ABL1: variants seen among roughly 807,000 people sequenced by gnomAD.
The protein encoded by ABL1 is tyrosine-protein kinase ABL1.
ABL1 carries 11 observed loss-of-function variants against 94.7 expected under a neutral mutation model. That is an observed-to-expected ratio of 0.12 (90% CI 0.07 to 0.19). The LOEUF is 0.19. Ranked by LOEUF, ABL1 falls within the 10% of genes least tolerant of loss-of-function variation. ABL1 has a pLI of 1.00. For missense variants in ABL1, 1,082 were observed against 1,489.4 expected (o/e 0.73, Z 4.50); for synonymous variants, 656 against 622.4 (o/e 1.05, Z -0.80).
At chr9:130,866,705 A>G (rs1447803388) in intron 4 of ABL1, among the ~76,000 whole-genome samples, 2 of 152,252 alleles carry the variant, frequency 1.3e-5, no homozygotes, top group Non-Finnish European at 2.9e-5. Flanking sequence ...GCAGATGGGA[A>G]GCTGGAATTA....
intron 1 of ABL1, among the ~76,000 whole-genome samples, chr9:130,760,962 T>C (rs1273862245): frequency 3.5e-5 from 5 of 142,340 alleles, no homozygotes; most frequent in Admixed American, 7.0e-5. Flanking sequence ...TTTTTTTTTT[T>C]TTTGAGACGG....
Position 130,863,145 on chromosome 9 carries a change from C to T in ABL1, c.822+110C>T, listed in dbSNP as rs34904749. 2,529 of 1,273,422 alleles carry T rather than the reference C, an allele frequency of 2.0e-3. 36 individuals are homozygous for T. In the African/African-American group the frequency reaches 0.034, roughly 17 times the overall value. 78.9% of individuals were successfully genotyped at this position (1,273,422 alleles called of 1,614,324 possible). A position where few individuals can be genotyped will look rare whatever the true frequency, so the allele number is the denominator to read the frequency against. On this transcript the variant is annotated intron_variant, in intron 4 of 10. Coordinates refer to ENST00000318560, the MANE Select transcript of ABL1 (RefSeq NM_005157.6). The surrounding 1 kb of genome is among the most constrained non-coding windows in gnomAD (Gnocchi z 4.3). Reference sequence around the variant, plus strand: ...CCTCCTGCCTGCTGTCCGAGGGCTTCATTGGCGCCACGGAATTGACTTTTC... The same window carrying T: ...CCTCCTGCCTGCTGTCCGAGGGCTTTATTGGCGCCACGGAATTGACTTTTC...
rs2133040153 is a variant in ABL1 at position 130,885,407 on chromosome 9, G to A, written c.3117G>A (p.Leu1039=). ...KGVVLDSTEA[L]CLAISRNSEQ... is the part of the protein sequence containing the mutation. ...TGGTCCTGGACAGCACCGAGGCGCT[G>A]TGCCTCGCCATCTCTAGGAACTCCG... The change falls in exon 11 of 11, where the codon CTG becomes CTA. Residue 1039 remains leucine, a synonymous_variant. Coordinates refer to ENST00000318560, the MANE Select transcript of ABL1 (RefSeq NM_005157.6). 1.9e-6 allele frequency: 3 copies of A among 1,613,674 alleles called. No homozygotes were observed. The highest frequency in any genetic ancestry group is 2.5e-6 in the Non-Finnish European group (3 of 1,180,050).
In ABL1 at chr9:130,884,042, G is replaced by A. The variant is rs1831515735; in HGVS notation, c.1752G>A (p.Leu584=). The part of the protein sequence containing the change: ...RKERGPPEGG[L]NEDERLLPKD... The stretch of plus-strand genomic sequence containing the variant: ...AGCGAGGTCCCCCGGAGGGCGGCCT[G>A]AATGAAGATGAGCGCCTTCTCCCCA... The change falls in exon 11 of 11, where the codon CTG becomes CTA. Residue 584 remains leucine (L), a synonymous_variant. Transcript: ENST00000318560. The surrounding 1 kb of genome is among the most constrained non-coding windows in gnomAD (Gnocchi z 5.6). 1 of 1,613,944 alleles carries A rather than the reference G, an allele frequency of 6.2e-7. No individual in the cohort carries two copies. The highest frequency in any genetic ancestry group is 8.5e-7 in the Non-Finnish European group (1 of 1,180,048).
chr9:130,821,172 C>T (rs1294036049), intron 1 of ABL1, among the ~76,000 whole-genome samples: 11 of 152,108 alleles, frequency 7.2e-5, no homozygotes, highest in Admixed American at 5.9e-4. Flanking sequence ...CCTCATGATC[C>T]GCCAGCCTCA....
intron 1 of ABL1, among the ~76,000 whole-genome samples, chr9:130,776,711 C>CT (rs1156463864): frequency 1.3e-5 from 2 of 152,176 alleles, no homozygotes; most frequent in South Asian, 4.1e-4. Context: ...TGTAGACAAG[C>CT]TACAGAAGCC....
chr9:130,860,754 G>A (rs370144566), intron 3 of ABL1, among the ~76,000 whole-genome samples: 11 of 152,322 alleles, frequency 7.2e-5, no homozygotes, highest in Admixed American at 7.2e-4. Context: ...TTGGTAGGGA[G>A]CACATCATCA....
chr9:130,730,004 A>G (rs1183644627), intron 1 of ABL1, among the ~76,000 whole-genome samples: 3 of 149,344 alleles, frequency 2.0e-5, no homozygotes, highest in Admixed American at 2.0e-4. Context: ...TGGCCCCCCA[A>G]AGTGCTGGGA....
At chr9:130,754,138 G>A (rs553792263) in intron 1 of ABL1, among the ~76,000 whole-genome samples, 3 of 151,172 alleles carry the variant, frequency 2.0e-5, no homozygotes, top group Admixed American at 6.6e-5. Context: ...CCCAGGAGGC[G>A]GAGGTTGCAG....
At chr9:130,754,502 C>T (rs941948499) in intron 1 of ABL1, among the ~76,000 whole-genome samples, 9 of 114,340 alleles carry the variant, frequency 7.9e-5, no homozygotes, top group East Asian at 5.3e-4. Flanking sequence ...AGCGAGACTC[C>T]GTCTCAAAAA....
At chr9:130,820,560 T>C (rs1331995800) in intron 1 of ABL1, among the ~76,000 whole-genome samples, 1 of 152,184 alleles carries the variant, frequency 6.6e-6, no homozygotes, top group Non-Finnish European at 1.5e-5. Flanking sequence ...TTCGTTGCAC[T>C]GGGCGTTGGG....
chr9:130,835,017 G>T (rs2132910290), upstream of ABL1: 2 of 336,618 alleles, frequency 5.9e-6, no homozygotes, highest in South Asian at 4.1e-5. This position sits in a 1 kb window ranked among gnomAD's most constrained non-coding sequence, Gnocchi z 4.6. Context: ...TCCCCGCCGG[G>T]GCTGGGACGG....
chr9:130,861,031 C>T lies in ABL1; in HGVS notation c.550-1732C>T, dbSNP rs529506392. Among the ~76,000 whole-genome samples the T allele has an allele frequency of 7.1e-4, 108 of 152,264 alleles. 1 individual carries two copies. The highest frequency in any genetic ancestry group is 2.5e-3 in the African/African-American group (102 of 41,560). ...CTGTGTGCACGTTCGTGGGTCTGAG[C>T]GTGACTCATGGTGTGTGTCCCTAGA... On this transcript the variant is annotated intron_variant, in intron 3 of 10. Transcript: ENST00000318560.
intron 4 of ABL1, among the ~76,000 whole-genome samples, chr9:130,865,214 TA>T (rs1280454977): frequency 1.3e-5 from 2 of 152,196 alleles, no homozygotes; most frequent in Non-Finnish European, 2.9e-5. Context: ...TCACAGTTGG[TA>T]AAGAATTACA....
rs1311970647 is a variant in ABL1 at position 130,871,911 on chromosome 9, G to A, written c.823-218G>A. ...AAGCCAGCTTTGCCCTGTTGCCTGG[G>A]GGAGAATTGAAAAGTTTGGCCCCAA... On this transcript the variant is annotated intron_variant, in intron 4 of 10. Coordinates refer to ENST00000318560, the MANE Select transcript of ABL1 (RefSeq NM_005157.6). 4.6e-5 allele frequency among the ~76,000 whole-genome samples: 7 copies of A among 152,250 alleles called. No homozygotes were observed. In the South Asian group the frequency reaches 1.2e-3, roughly 27 times the overall value.
At chr9:130,861,238 G>A (rs1588271869) in intron 3 of ABL1, among the ~76,000 whole-genome samples, 2 of 152,252 alleles carry the variant, frequency 1.3e-5, no homozygotes, top group Admixed American at 1.3e-4. Flanking sequence ...GACAAGTTTT[G>A]CGTTTCTCAG....
chr9:130,785,080 C>T (rs771735325), intron 1 of ABL1, among the ~76,000 whole-genome samples: 9 of 152,314 alleles, frequency 5.9e-5, no homozygotes, highest in African/African-American at 9.6e-5. Flanking sequence ...TGCCATGTTT[C>T]GTGACATGGG....
intron 1 of ABL1, among the ~76,000 whole-genome samples, chr9:130,725,235 C>A (rs1831565914): frequency 6.6e-6 from 1 of 152,004 alleles, no homozygotes; most frequent in Admixed American, 6.6e-5. Context: ...AAAATAATAT[C>A]CCATTTCCCT....
rs1831588783 is a variant in ABL1, at chr9:130,886,640, A to G, written c.*957A>G. The G allele has an allele frequency of 8.6e-6, 2 of 233,656 alleles. No homozygotes were observed. Among genetic ancestry groups the G allele is most frequent in the East Asian group, 1.2e-4 (2 of 16,572 alleles). The allele number at this position is 233,656 out of a possible 1,614,324, so 14.5% of individuals were successfully genotyped here. Reference sequence around the variant, plus strand: ...GGCCCAGAGTGAACCGTCCTTTCACACATCTGGGTGCCCTGAAAGGGCCCT... The same window carrying G: ...GGCCCAGAGTGAACCGTCCTTTCACGCATCTGGGTGCCCTGAAAGGGCCCT... On this transcript the variant is annotated 3_prime_UTR_variant, in exon 11 of 11. Coordinates refer to ENST00000318560, the MANE Select transcript of ABL1 (RefSeq NM_005157.6).
Sources: allele counts gnomAD v4.1 joint callset (sites outside exome capture counted in the v4.1 genomes callset), GRCh38; gene constraint gnomAD v4.1.1; non-coding constraint Gnocchi (gnomAD v3.1); transcripts MANE v1.5; gene names NCBI Gene and HGNC (gene_info 2026-07-23, HGNC 2026-07-21).